The following BATF variants were observed in gnomAD, a reference collection of about 807,000 sequenced individuals.
The protein encoded by BATF is basic leucine zipper ATF-like transcription factor.
A neutral mutation model predicts 13.7 loss-of-function variants in BATF; 5 were observed. The ratio of observed to expected loss-of-function variants is 0.36; its 90% CI spans 0.19 to 0.77. The LOEUF is 0.77. Among genes scored for constraint, BATF ranks in the 30% least tolerant of loss-of-function variants. The probability of loss-of-function intolerance (pLI) is 0.51; values close to 1 mark genes in which losing one functional copy is unlikely to be tolerated. For missense variants in BATF, 124 were observed against 163.0 expected (o/e 0.76, Z 1.30); for synonymous variants, 72 against 67.5 (o/e 1.07, Z -0.33).
chr14:75,543,871 C>G (rs940465324), intron 2 of BATF, among the ~76,000 whole-genome samples: 19 of 151,852 alleles, frequency 1.3e-4, no homozygotes, highest in Admixed American at 1.2e-3. Flanking sequence ...TGGGCTCAAG[C>G]GATCCTCTCA....
At chr14:75,538,405 G>C (rs1385218558) in intron 2 of BATF, among the ~76,000 whole-genome samples, 1 of 152,220 alleles carries the variant, frequency 6.6e-6, no homozygotes, top group Non-Finnish European at 1.5e-5. Context: ...AATCCAGACT[G>C]TTTAAGGCTC....
chr14:75,527,751 C>T (rs75628090), intron 2 of BATF, among the ~76,000 whole-genome samples: 1,786 of 152,322 alleles, frequency 0.012, 47 homozygotes, highest in African/African-American at 0.04. Flanking sequence ...CACACCCCAG[C>T]CTCAGTTTCT....
chr14:75,523,920 G>A (rs1349416013), intron 1 of BATF, among the ~76,000 whole-genome samples: 1 of 152,118 alleles, frequency 6.6e-6, no homozygotes, highest in Admixed American at 6.5e-5. Flanking sequence ...CTTTTCTTAG[G>A]AAGGAAATTA....
rs906737589 is a variant in BATF, at chr14:75,530,381, G to A, written c.168+5193G>A. Among the ~76,000 whole-genome samples, 2 of 152,132 alleles carry A rather than the reference G, an allele frequency of 1.3e-5. 1 individual carries two copies. Among genetic ancestry groups the A allele is most frequent in the South Asian group, 4.1e-4 (2 of 4,832 alleles). ...CTGCGACTCAGCAATTTGACATCCA[G>A]GAGTGTGTTCACAAACAAATCCACA... On this transcript the variant is annotated intron_variant, in intron 2 of 2. Coordinates refer to ENST00000286639, the MANE Select transcript of BATF (RefSeq NM_006399.5).
intron 2 of BATF, among the ~76,000 whole-genome samples, chr14:75,542,283 C>A (rs1338498716): frequency 6.6e-6 from 1 of 152,248 alleles, no homozygotes; most frequent in Admixed American, 6.5e-5. Flanking sequence ...CTATCCCACA[C>A]AGAGCGTTAT....
chr14:75,528,569 AATCT>A (rs1244069512), intron 2 of BATF, among the ~76,000 whole-genome samples: 43 of 152,350 alleles, frequency 2.8e-4, no homozygotes, highest in African/African-American at 9.9e-4. Context: ...ATCAACAAAC[AATCT>A]AATTCTGTTT....
At chr14:75,523,221 AAAG>A (rs1407004078) in intron 1 of BATF, among the ~76,000 whole-genome samples, 20 of 134,530 alleles carry the variant, frequency 1.5e-4, no homozygotes, top group African/African-American at 4.9e-4. Context: ...AAAAAAAAAA[AAAG>A]AAGAAGAAGA....
intron 2 of BATF, among the ~76,000 whole-genome samples, chr14:75,530,599 A>G (rs538927418): frequency 2.6e-5 from 4 of 152,378 alleles, no homozygotes; most frequent in African/African-American, 7.2e-5. Context: ...TCACTTCTGT[A>G]CTTTAAGTTA....
chr14:75,546,264 C>T (rs1029585979), intron 2 of BATF, among the ~76,000 whole-genome samples, 198 bp from the exon 3 acceptor site: 4 of 152,182 alleles, frequency 2.6e-5, no homozygotes, highest in Non-Finnish European at 5.9e-5. Context: ...CATGTGCTTA[C>T]GTAAACGCGC....
chr14:75,534,673 G>T (rs1887792735), intron 2 of BATF, among the ~76,000 whole-genome samples: 1 of 152,168 alleles, frequency 6.6e-6, no homozygotes, highest in African/African-American at 2.4e-5. Context: ...CAAGCTAATT[G>T]GCAACAAGTA....
chr14:75,546,877 C>T lies in BATF; in HGVS notation c.*206C>T. On this transcript the variant is annotated 3_prime_UTR_variant, in exon 3 of 3. Coordinates refer to ENST00000286639, the MANE Select transcript of BATF (RefSeq NM_006399.5). ...TCGAGGGGCGTGTGCTGGACCCCAC[C>T]ACTGTGGGTTGCAGGCCCAATGCAG... 1.3e-6 allele frequency: 1 copy of T among 753,734 alleles called. No individual in the cohort carries two copies. Among genetic ancestry groups the T allele is most frequent in the Non-Finnish European group, 2.3e-6 (1 of 431,966 alleles). The allele number at this position is 753,734 out of a possible 1,614,324, so 46.7% of individuals were successfully genotyped here.
At chr14:75,523,683 A>G (rs900153902) in intron 1 of BATF, among the ~76,000 whole-genome samples, 1 of 152,218 alleles carries the variant, frequency 6.6e-6, no homozygotes, top group Non-Finnish European at 1.5e-5. Context: ...CTCAACCTTC[A>G]TAGTTTAAAA....
chr14:75,546,292 C>T (rs910875312), intron 2 of BATF, among the ~76,000 whole-genome samples, 170 bp from the exon 3 acceptor site: 2 of 152,174 alleles, frequency 1.3e-5, no homozygotes, highest in Admixed American at 6.5e-5. Flanking sequence ...CACCTACAAA[C>T]ATATATACAC....
At chr14:75,535,966 A>G (rs1735641497) in intron 2 of BATF, among the ~76,000 whole-genome samples, 1 of 152,220 alleles carries the variant, frequency 6.6e-6, no homozygotes, top group South Asian at 2.1e-4. Flanking sequence ...AGCAAAGGCC[A>G]TATTATCAGT....
At chr14:75,523,348 G>A (rs552497027) in intron 1 of BATF, among the ~76,000 whole-genome samples, 1 of 152,318 alleles carries the variant, frequency 6.6e-6, no homozygotes, top group South Asian at 2.1e-4. Flanking sequence ...TAGAGGTCCA[G>A]CCAATATCTC....
intron 2 of BATF, among the ~76,000 whole-genome samples, chr14:75,534,087 G>T (rs1208696962): frequency 6.6e-6 from 1 of 152,138 alleles, no homozygotes; most frequent in Non-Finnish European, 1.5e-5. Context: ...AACTTGACAG[G>T]GGCTGAAGTG....
chr14:75,538,916 A>G (rs1887857174), intron 2 of BATF, among the ~76,000 whole-genome samples: 1 of 152,224 alleles, frequency 6.6e-6, no homozygotes, highest in Admixed American at 6.5e-5. Context: ...ACAAACAAAC[A>G]AACAAACAAA....
intron 2 of BATF, among the ~76,000 whole-genome samples, chr14:75,537,762 T>C (rs1401973226): frequency 6.6e-6 from 1 of 151,680 alleles, no homozygotes; most frequent in Non-Finnish European, 1.5e-5. Flanking sequence ...GTCTCCCAAC[T>C]CTTTAAATTT....
At chr14:75,525,227 G>T (rs1887633407) in intron 2 of BATF, 39 bp downstream of exon 2, 3 of 1,587,084 alleles carry the variant, frequency 1.9e-6, no homozygotes, top group Admixed American at 1.7e-5. Flanking sequence ...GTGAGCTTTA[G>T]GCTTTGCCCT....
Sources: gnomAD v4.1 joint callset for allele counts (sites outside exome capture counted in the v4.1 genomes callset) on GRCh38, gnomAD v4.1.1 for gene constraint, MANE v1.5 for transcripts, NCBI Gene and HGNC (gene_info 2026-07-23, HGNC 2026-07-21) for gene names.